Variants in COL19A1 observed in about 807,000 individuals in gnomAD.
The protein encoded by COL19A1 is collagen type XIX alpha 1 chain.
A neutral mutation model predicts 190.2 loss-of-function variants in COL19A1; 159 were observed. The ratio of observed to expected loss-of-function variants is 0.84; its 90% CI spans 0.73 to 0.95. The LOEUF is 0.95. Ranked by LOEUF, COL19A1 falls within the 40% of genes least tolerant of loss-of-function variation. The pLI is 0.00. For synonymous variants in COL19A1, 509 were observed against 458.9 expected, an observed-to-expected ratio of 1.11 and a Z score of -1.39; for missense variants, 1,418 against 1,431.9, an observed-to-expected ratio of 0.99 and a Z score of 0.16.
chr6:70,176,062 A>G lies in COL19A1; in HGVS notation c.2623-458A>G, dbSNP rs143289352. On this transcript the variant is annotated intron_variant, in intron 41 of 50. Coordinates refer to ENST00000620364, the MANE Select transcript of COL19A1 (RefSeq NM_001858.6). The stretch of plus-strand genomic sequence containing the variant: ...GGATCTTCTAATTGGCCAAATGAGA[A>G]CTACAAATCATTAGTTGTAGATCAT... 1.1e-4 allele frequency among the ~76,000 whole-genome samples: 16 copies of G among 152,334 alleles called. No homozygotes were observed. The East Asian group carries it at 3.1e-3, about 29-fold the overall frequency.
chr6:69,945,496 C>A (rs906922684), intron 9 of COL19A1, among the ~76,000 whole-genome samples: 8 of 151,976 alleles, frequency 5.3e-5, no homozygotes, highest in Non-Finnish European at 1.0e-4. Flanking sequence ...TTAATTAAAC[C>A]AAAATACGTT....
chr6:70,103,027 A>G (rs1050500587), intron 16 of COL19A1, among the ~76,000 whole-genome samples: 2 of 151,988 alleles, frequency 1.3e-5, no homozygotes, highest in African/African-American at 4.8e-5. Flanking sequence ...TACCCCCTAC[A>G]TGTTGGATGG....
intron 15 of COL19A1, among the ~76,000 whole-genome samples, chr6:70,084,363 G>A (rs1028496246): frequency 2.6e-5 from 4 of 152,158 alleles, no homozygotes; most frequent in Non-Finnish European, 4.4e-5. Flanking sequence ...GTCTATGGCC[G>A]AATTCTGCTC....
intron 37 of COL19A1, 104 bp from the exon 38 acceptor site, chr6:70,167,919 AAG>A (rs1287416587): frequency 2.5e-6 from 2 of 808,476 alleles, no homozygotes; most frequent in Non-Finnish European, 3.8e-6. Context: ...GAATAGAAAA[AAG>A]TAAAAAATAG....
At chr6:70,163,451 G>A (rs889711685) in intron 36 of COL19A1, 55 bp downstream of exon 36, 1 of 1,510,452 alleles carries the variant, frequency 6.6e-7, no homozygotes, top group Admixed American at 1.8e-5. Context: ...GTGGGAGCAG[G>A]ATGAGACTCT....
rs1345114085 is a variant in COL19A1 at position 69,879,552 on chromosome 6, A to G, written c.-16A>G. ...CTGTTGCAGATCCGTGGCCGTTCAC[A>G]TGGTTTCAAGGCACAATGAGACTCA... On this transcript the variant is annotated 5_prime_UTR_variant, in exon 2 of 51. The change abolishes an upstream ATG in the 5' untranslated region. Coordinates refer to ENST00000620364, the MANE Select transcript of COL19A1 (RefSeq NM_001858.6). 6.2e-7 allele frequency: 1 copy of G among 1,611,924 alleles called. No individual in the cohort carries two copies. The highest frequency in any genetic ancestry group is 1.1e-5 in the South Asian group (1 of 90,830).
chr6:70,101,641 A>T (rs1783636489), intron 15 of COL19A1, among the ~76,000 whole-genome samples: 1 of 152,192 alleles, frequency 6.6e-6, no homozygotes, highest in South Asian at 2.1e-4. Flanking sequence ...TGAGCATAAA[A>T]ATTATCTGAA....
chr6:70,051,087 C>G (rs1421017051), intron 14 of COL19A1, among the ~76,000 whole-genome samples: 3 of 152,104 alleles, frequency 2.0e-5, no homozygotes, highest in Non-Finnish European at 4.4e-5. Context: ...GTTATTTTCT[C>G]TTTTACCTTT....
Position 69,936,084 on chromosome 6 carries a change from T to C in COL19A1, c.748-701T>C, listed in dbSNP as rs575613194. Among the ~76,000 whole-genome samples the C allele has an allele frequency of 2.1e-3, 327 of 152,258 alleles. 2 individuals carry two copies. Among genetic ancestry groups the C allele is most frequent in the Non-Finnish European group, 3.9e-3 (266 of 68,010 alleles). On this transcript the variant is annotated intron_variant, in intron 7 of 50. Transcript: ENST00000620364. The stretch of plus-strand genomic sequence containing the variant: ...CTATGGTGAGAAGTCTGGTACATGA[T>C]GTTGAGAAAAAACAATGTGTTTATC...
intron 11 of COL19A1, among the ~76,000 whole-genome samples, chr6:70,019,716 A>G (rs61292877): frequency 0.02 from 3,001 of 152,208 alleles, 80 homozygotes; most frequent in African/African-American, 0.066. Flanking sequence ...CCACAGATGT[A>G]TTGTTGGTTT....
At chr6:70,195,267 C>T (rs1304655086) in intron 48 of COL19A1, among the ~76,000 whole-genome samples, 1 of 151,548 alleles carries the variant, frequency 6.6e-6, no homozygotes, top group Non-Finnish European at 1.5e-5. Flanking sequence ...GTAGGATTTC[C>T]TCAGTGTCCA....
At chr6:69,925,112 GGCTTTTGTTGCCATT>G (rs1367021979) in intron 4 of COL19A1, among the ~76,000 whole-genome samples, 3 of 152,090 alleles carry the variant, frequency 2.0e-5, no homozygotes. Context: ...TGTCAATTTT[GGCTTTTGTTGCCATT>G]GCTTTTGGTG....
rs1218105300 is a variant in COL19A1, at chr6:70,190,379, A to G, written c.3092A>G (p.Glu1031Gly). The G allele has an allele frequency of 2.5e-6, 4 of 1,592,498 alleles. No homozygotes were observed. The highest frequency in any genetic ancestry group is 3.4e-6 in the Non-Finnish European group (4 of 1,163,066). ...AATCAAGAGGTCCTAAGGATTTTTG[A>G]AGGTTAGATTTTCTTAATAACATTT... ...YINQEVLRIFEERMAVFLSQL... is the reference protein window; with the variant it reads ...YINQEVLRIFGERMAVFLSQL... Residue 1031 changes from glutamate to glycine, a missense_variant and splice_region_variant, in exon 48 of 51, where the codon GAA becomes GGA. Glu to Gly is a moderately conservative substitution (Grantham distance 98). Coordinates refer to ENST00000620364, the MANE Select transcript of COL19A1 (RefSeq NM_001858.6).
At chr6:70,010,523 C>G (rs1394980580) in intron 11 of COL19A1, among the ~76,000 whole-genome samples, 3 of 142,016 alleles carry the variant, frequency 2.1e-5, no homozygotes, top group Non-Finnish European at 4.5e-5. Flanking sequence ...CGAGCGGAAG[C>G]AGGGCGAGGC....
At chr6:69,967,409 A>C (rs1775179844) in intron 11 of COL19A1, among the ~76,000 whole-genome samples, 1 of 152,214 alleles carries the variant, frequency 6.6e-6, no homozygotes, top group Non-Finnish European at 1.5e-5. Flanking sequence ...AGAGCATCAA[A>C]CATGTGGCAT....
intron 42 of COL19A1, among the ~76,000 whole-genome samples, chr6:70,178,872 G>A (rs997419514): frequency 1.3e-5 from 2 of 152,170 alleles, no homozygotes; most frequent in African/African-American, 2.4e-5. Flanking sequence ...TTTACAGGAA[G>A]AAGTGCCTGT....
At chr6:70,158,575 G>A (rs1260846507) in intron 34 of COL19A1, among the ~76,000 whole-genome samples, 1 of 152,076 alleles carries the variant, frequency 6.6e-6, no homozygotes, top group African/African-American at 2.4e-5. Flanking sequence ...ACAGCTCAAG[G>A]TAGCAACTTG....
At chr6:69,956,321 A>G (rs17709736) in intron 9 of COL19A1, among the ~76,000 whole-genome samples, 16,110 of 151,934 alleles carry the variant, frequency 0.11, 953 homozygotes, top group Middle Eastern at 0.16. Context: ...CCTATGCATT[A>G]GCCGCATTAA....
chr6:69,914,927 T>A (rs573302397), intron 4 of COL19A1, among the ~76,000 whole-genome samples: 3 of 152,142 alleles, frequency 2.0e-5, no homozygotes, highest in African/African-American at 7.2e-5. Context: ...TTCTTCATCT[T>A]TTTTTTATAT....
Sources: gnomAD v4.1 joint callset for allele counts (sites outside exome capture counted in the v4.1 genomes callset) on GRCh38, gnomAD v4.1.1 for gene constraint, MANE v1.5 for transcripts, NCBI Gene and HGNC (gene_info 2026-07-23, HGNC 2026-07-21) for gene names.